The following MDM1 variants were observed in gnomAD, a reference collection of about 807,000 sequenced individuals.
MDM1 encodes stabilizer of axonemal microtubules 6.
Under a neutral mutation model 89.1 loss-of-function variants are expected in MDM1, and 61 were observed. The observed-to-expected ratio is 0.68, with a 90% CI of 0.56 to 0.85. The LOEUF (loss-of-function observed/expected upper bound fraction) is 0.85. MDM1 is among the 40% of genes least tolerant of loss of function. The pLI is 0.00. For synonymous variants in MDM1, 290 were observed against 294.1 expected (o/e 0.99, Z 0.14); for missense variants, 820 against 846.5 (o/e 0.97, Z 0.39).
chr12:68,296,953 A>T lies in MDM1; in HGVS notation c.2032T>A (p.Leu678Ile). The change falls in exon 14 of 15, where the codon TTA becomes ATA. Residue 678 changes from leucine to isoleucine, a missense_variant. Leu to Ile is a conservative substitution (Grantham distance 5). Transcript: ENST00000682720. ...VGKARMNNLQLPQHEAFNDED... is the reference protein window; with the variant it reads ...VGKARMNNLQIPQHEAFNDED... ...TCATTAAAGGCTTCATGTTGAGGTA[A>T]CTGCAAATTGTTCATCCTTGCTTTT... The T allele has an allele frequency of 6.3e-7, 1 of 1,592,498 alleles. No individual in the cohort carries two copies. The highest frequency in any genetic ancestry group is 8.5e-7 in the Non-Finnish European group (1 of 1,172,242).
chr12:68,327,462 G>A, intron 2 of MDM1: 1 of 1,535,910 alleles, frequency 6.5e-7, no homozygotes, highest in Non-Finnish European at 8.7e-7. Context: ...GATGAGAAGG[G>A]ATGAGATGTC....
intron 2 of MDM1, 165 bp from the exon 3 acceptor site, chr12:68,327,186 G>A: frequency 1.4e-6 from 2 of 1,390,556 alleles, no homozygotes; most frequent in South Asian, 1.8e-5. Flanking sequence ...TAAAAGTACA[G>A]CTTTTCAACA....
At chr12:68,297,226 T>C (rs1026355973) in intron 13 of MDM1, among the ~76,000 whole-genome samples, 1 of 152,262 alleles carries the variant, frequency 6.6e-6, no homozygotes, top group African/African-American at 2.4e-5. Context: ...AAACAAACTA[T>C]GGATAACTTC....
chr12:68,305,974 A>G (rs1428811703), intron 12 of MDM1, among the ~76,000 whole-genome samples: 1 of 152,000 alleles, frequency 6.6e-6, no homozygotes, highest in Non-Finnish European at 1.5e-5. Context: ...GGAAAAAAAA[A>G]AGAACAAAGC....
chr12:68,325,836 T>A, intron 3 of MDM1: 1 of 1,095,782 alleles, frequency 9.1e-7, no homozygotes, highest in Non-Finnish European at 1.1e-6. Context: ...AATATAATAC[T>A]CTCAGTCCTT....
intron 12 of MDM1, among the ~76,000 whole-genome samples, chr12:68,307,970 T>TAA (rs952093836): frequency 1.5e-5 from 2 of 137,666 alleles, no homozygotes. Flanking sequence ...AAAATTAAAT[T>TAA]AAAAAAAAAA....
Position 68,316,580 on chromosome 12 carries a change from C to A in MDM1, c.1035+1G>T, listed in dbSNP as rs1874533004. On this transcript the variant is annotated splice_donor_variant, in intron 8 of 14. Transcript: ENST00000682720. LOFTEE classifies it high-confidence loss of function. ...TTTTTAAAAACTCAAAAGCAACCAA[C>A]CTCAGCATACCACATGGCATTTAGA... The A allele has an allele frequency of 6.5e-7, 1 of 1,534,740 alleles. No homozygotes were observed.
In MDM1 at chr12:68,302,816, A is replaced by C. The variant is rs748732327; in HGVS notation, c.1806T>G (p.Val602=). The change falls in exon 13 of 15, where the codon GTT becomes GTG. Residue 602 remains valine, a synonymous_variant. Coordinates refer to ENST00000682720, the MANE Select transcript of MDM1 (RefSeq NM_001354969.2). The stretch of plus-strand genomic sequence containing the variant: ...AATCTTCCCGCAAAGGCAGAGGATC[A>C]ACTGTTTTTATACCAGCAGCTGGAG... ...LTSPAAGIKT[V]DPLPLREDSE... 1.9e-6 allele frequency: 3 copies of C among 1,613,552 alleles called. No homozygotes were observed. The East Asian group carries it at 6.7e-5, about 36-fold the overall frequency.
chr12:68,299,666 G>A (rs1439710048), intron 13 of MDM1, among the ~76,000 whole-genome samples: 1 of 152,086 alleles, frequency 6.6e-6, no homozygotes, highest in Non-Finnish European at 1.5e-5. Flanking sequence ...AATGAACAAA[G>A]TCTCCAAGAA....
intron 12 of MDM1, among the ~76,000 whole-genome samples, chr12:68,303,087 G>T (rs1341083035): frequency 6.6e-6 from 1 of 151,954 alleles, no homozygotes; most frequent in African/African-American, 2.4e-5. Flanking sequence ...AAAGAAAAAT[G>T]CAGAACTTGG....
intron 7 of MDM1, 51 bp from the exon 8 acceptor site, chr12:68,316,661 G>T: frequency 3.1e-6 from 4 of 1,310,842 alleles, no homozygotes; most frequent in South Asian, 2.6e-5. Flanking sequence ...TGCCATAATT[G>T]AATATTAATG....
chr12:68,301,064 G>T (rs1213172944), intron 13 of MDM1, among the ~76,000 whole-genome samples: 1 of 152,148 alleles, frequency 6.6e-6, no homozygotes, highest in Non-Finnish European at 1.5e-5. Context: ...TGATTTTAGG[G>T]TTAACAATGA....
Position 68,302,644 on chromosome 12 carries a change from TAA to T in MDM1, c.1976_1977del (p.Leu659GlnfsTer23). On this transcript the variant is annotated frameshift_variant, in exon 13 of 15. Transcript: ENST00000682720. LOFTEE classifies it high-confidence loss of function. ...WHPSRRIQGS[L>X]RDPEFQHNVG... is the part of the protein sequence containing the mutation. Reference sequence around the variant, plus strand: ...CCATTGTGCTGAAACTCTGGATCTCTAAGAGAGCCCTGAATTCGTCGAGAGGG... The same window carrying T: ...CCATTGTGCTGAAACTCTGGATCTCTGAGAGCCCTGAATTCGTCGAGAGGG... 1 of 1,613,688 alleles carries T rather than the reference TAA, an allele frequency of 6.2e-7. No individual in the cohort carries two copies. Among genetic ancestry groups the T allele is most frequent in the Non-Finnish European group, 8.5e-7 (1 of 1,179,726 alleles).
At chr12:68,324,245 T>C (rs1387600424) in intron 4 of MDM1, among the ~76,000 whole-genome samples, 1 of 152,144 alleles carries the variant, frequency 6.6e-6, no homozygotes, top group African/African-American at 2.4e-5. Flanking sequence ...TTGATGATGA[T>C]AGGGCTTTGA....
chr12:68,300,874 T>C (rs1407288103), intron 13 of MDM1, among the ~76,000 whole-genome samples: 2 of 152,190 alleles, frequency 1.3e-5, no homozygotes, highest in African/African-American at 4.8e-5. Context: ...CTTCTCATCA[T>C]TTCACATGGA....
At chr12:68,331,833 A>C (rs913739201) in intron 1 of MDM1, among the ~76,000 whole-genome samples, 2 of 152,338 alleles carry the variant, frequency 1.3e-5, no homozygotes, top group South Asian at 4.1e-4. Flanking sequence ...CCATTTCTCA[A>C]GCCTTTAAAA....
Position 68,321,612 on chromosome 12 carries a change from T to G in MDM1, c.818A>C (p.Asp273Ala). 6.2e-7 allele frequency: 1 copy of G among 1,610,288 alleles called. No homozygotes were observed. The highest frequency in any genetic ancestry group is 8.5e-7 in the Non-Finnish European group (1 of 1,178,308). Reference sequence around the variant, plus strand: ...CATCTCTGCTTCCAATTTTAAACGATCGTCTATTTTATTACTCTGAAATGG... The same window carrying G: ...CATCTCTGCTTCCAATTTTAAACGAGCGTCTATTTTATTACTCTGAAATGG... ...SPERKSNKID[D>A]RLKLEAEMEL... is the part of the protein sequence containing the mutation. Residue 273 changes from aspartate (D) to alanine (A), a missense_variant, in exon 6 of 15, where the codon GAT (aspartate) becomes GCT (alanine). Asp to Ala is a moderately radical substitution (Grantham distance 126). Transcript: ENST00000682720.
In MDM1 at chr12:68,327,241, T is replaced by C. The variant is rs903132932; in HGVS notation, c.134-220A>G. 31 of 1,406,254 alleles carry C rather than the reference T, an allele frequency of 2.2e-5. No individual in the cohort carries two copies. In the Middle Eastern group the frequency reaches 9.5e-4, roughly 43 times the overall value. 87.1% of individuals were successfully genotyped at this position (1,406,254 alleles called of 1,614,324 possible). On this transcript the variant is annotated intron_variant, in intron 2 of 14. Transcript: ENST00000682720. ...TTTAAAAGCATTAAAAATTTGACCA[T>C]AACAAAAAATTAAAAATCAGGGGGT...
intron 13 of MDM1, among the ~76,000 whole-genome samples, chr12:68,300,017 A>G (rs958171808): frequency 2.0e-5 from 3 of 152,242 alleles, no homozygotes; most frequent in African/African-American, 7.2e-5. Context: ...GGCAGAAGGC[A>G]TTGGGGTCCT....
Sources: gnomAD v4.1 joint callset for allele counts (sites outside exome capture counted in the v4.1 genomes callset) on GRCh38, gnomAD v4.1.1 for gene constraint, MANE v1.5 for transcripts, NCBI Gene and HGNC (gene_info 2026-07-23, HGNC 2026-07-21) for gene names.